Variants in FARS2 observed in about 807,000 individuals in gnomAD.
FARS2 encodes the protein phenylalanyl-tRNA synthetase 2, mitochondrial, also known as phenylalanine--tRNA ligase, mitochondrial.
A neutral mutation model predicts 46.4 loss-of-function variants in FARS2; 40 were observed. The ratio of observed to expected loss-of-function variants is 0.86; its 90% CI spans 0.67 to 1.12. FARS2 has a LOEUF of 1.12. Ranked by LOEUF, FARS2 falls within the 50% of genes most tolerant of loss-of-function variation. The probability of loss-of-function intolerance (pLI) is 0.00; values close to 1 mark genes in which losing one functional copy is unlikely to be tolerated. For synonymous variants in FARS2, 234 were observed against 214.9 expected (o/e 1.09, Z -0.78); for missense variants, 513 against 567.9 (o/e 0.90, Z 0.98).
intron 1 of FARS2, among the ~76,000 whole-genome samples, chr6:5,346,309 C>T (rs1757227134): frequency 6.6e-6 from 1 of 152,162 alleles, no homozygotes; most frequent in Admixed American, 6.5e-5. Context: ...TAAAATTCAT[C>T]ATCACCTCCA....
chr6:5,403,232 C>T (rs915926482), intron 2 of FARS2, among the ~76,000 whole-genome samples: 1 of 152,182 alleles, frequency 6.6e-6, no homozygotes, highest in Non-Finnish European at 1.5e-5. Flanking sequence ...CTGGGATTGC[C>T]TTAGATCATC....
intron 6 of FARS2, among the ~76,000 whole-genome samples, chr6:5,730,988 G>A (rs1405086849): frequency 1.3e-5 from 2 of 152,124 alleles, no homozygotes; most frequent in East Asian, 3.9e-4. Flanking sequence ...CACACTGCTG[G>A]CTCTGAAAGC....
chr6:5,307,275 T>C (rs6926122), intron 1 of FARS2, among the ~76,000 whole-genome samples: 40,379 of 152,148 alleles, frequency 0.27, 8,465 homozygotes, highest in African/African-American at 0.59. Context: ...TTATGACTGA[T>C]GAGTTGGCTG....
intron 4 of FARS2, among the ~76,000 whole-genome samples, chr6:5,508,541 T>TG (rs1768238523): frequency 1.0e-5 from 1 of 98,650 alleles, no homozygotes; most frequent in Non-Finnish European, 2.1e-5. Context: ...TGCTGGCAGG[T>TG]GGGGCGGGGG....
chr6:5,332,133 G>A (rs1210036341), intron 1 of FARS2, among the ~76,000 whole-genome samples: 1 of 152,174 alleles, frequency 6.6e-6, no homozygotes, highest in African/African-American at 2.4e-5. Flanking sequence ...GGAAGTACCA[G>A]CGCTGAGATT....
Position 5,744,026 on chromosome 6 carries a change from T to C in FARS2, c.1218-27265T>C, listed in dbSNP as rs1180627708. On this transcript the variant is annotated intron_variant, in intron 6 of 6. Coordinates refer to ENST00000274680, the MANE Select transcript of FARS2 (RefSeq NM_006567.5). ...AGCTTTCTCACCAGGTCTAAGCCAG[T>C]CAGTGCACACTACTTCCTGTGAGAC... Among the ~76,000 whole-genome samples, 4 of 152,284 alleles carry C rather than the reference T, an allele frequency of 2.6e-5. No homozygotes were observed. The East Asian group carries it at 7.7e-4, about 29-fold the overall frequency.
At chr6:5,756,987 G>T (rs144640762) in intron 6 of FARS2, among the ~76,000 whole-genome samples, 90 of 152,244 alleles carry the variant, frequency 5.9e-4, no homozygotes, top group African/African-American at 2.1e-3. Flanking sequence ...CTTCTTCAAG[G>T]CATGACAGTG....
At chr6:5,618,544 A>G (rs990562656) in intron 6 of FARS2, among the ~76,000 whole-genome samples, 3 of 152,232 alleles carry the variant, frequency 2.0e-5, no homozygotes, top group Non-Finnish European at 4.4e-5. Flanking sequence ...ACAGATCCCA[A>G]GATGTTTCAG....
intron 5 of FARS2, among the ~76,000 whole-genome samples, chr6:5,585,878 A>G (rs1052403956): frequency 6.6e-6 from 1 of 152,178 alleles, no homozygotes; most frequent in Non-Finnish European, 1.5e-5. Context: ...CATGGGGTAC[A>G]GATCTCTCTT....
intron 5 of FARS2, among the ~76,000 whole-genome samples, chr6:5,570,294 T>A (rs1376294328): frequency 6.6e-6 from 1 of 152,218 alleles, no homozygotes; most frequent in Non-Finnish European, 1.5e-5. Flanking sequence ...TGTGAGGAAA[T>A]GAGAAGAGAC....
At chr6:5,700,344 G>A (rs1157257008) in intron 6 of FARS2, among the ~76,000 whole-genome samples, 1 of 151,844 alleles carries the variant, frequency 6.6e-6, no homozygotes, top group East Asian at 1.9e-4. Flanking sequence ...GTTTCATTGA[G>A]TTAACTTTGG....
chr6:5,711,285 G>GGGAT (rs745852813), intron 6 of FARS2, among the ~76,000 whole-genome samples: 3,974 of 133,172 alleles, frequency 0.03, 180 homozygotes, highest in African/African-American at 0.1. Flanking sequence ...AAATGAATGC[G>GGGAT]GGATGGATGA....
At chr6:5,275,809 T>A (rs1323724218) in intron 1 of FARS2, among the ~76,000 whole-genome samples, 1 of 152,216 alleles carries the variant, frequency 6.6e-6, no homozygotes, top group African/African-American at 2.4e-5. Flanking sequence ...TAGCATAGTA[T>A]CTGAGTAAAC....
rs558918108 is a variant in FARS2 at position 5,753,600 on chromosome 6, T to C, written c.1218-17691T>C. 2.2e-4 allele frequency among the ~76,000 whole-genome samples: 34 copies of C among 152,336 alleles called. 1 individual carries two copies. In the South Asian group the frequency reaches 7.1e-3, roughly 32 times the overall value. On this transcript the variant is annotated intron_variant, in intron 6 of 6. Coordinates refer to ENST00000274680, the MANE Select transcript of FARS2 (RefSeq NM_006567.5). ...CTATCACCTCCCCATGTAACATGCA[T>C]AGACATTTCATGCCTTTGTCCTATC...
chr6:5,734,676 G>T (rs188672484), intron 6 of FARS2, among the ~76,000 whole-genome samples: 1 of 152,230 alleles, frequency 6.6e-6, no homozygotes, highest in East Asian at 1.9e-4. Context: ...ATAACCCTTT[G>T]ATATAGGCAT....
chr6:5,705,164 T>C lies in FARS2; in HGVS notation c.1218-66127T>C, dbSNP rs535449851. Among the ~76,000 whole-genome samples, 5 of 152,296 alleles carry C rather than the reference T, an allele frequency of 3.3e-5. No individual in the cohort carries two copies. In the East Asian group the frequency reaches 9.6e-4, roughly 29 times the overall value. ...AAATTGTGGCAGTACCATGAATAGT[T>C]GTAAAAGTTGGTCCAAGTTACAATC... is the stretch of plus-strand genomic sequence containing the variant. On this transcript the variant is annotated intron_variant, in intron 6 of 6. Transcript: ENST00000274680.
rs1350587778 is a variant in FARS2 at position 5,432,471 on chromosome 6, T to TA, written c.904+1299_904+1300insA. Among the ~76,000 whole-genome samples the TA allele has an allele frequency of 4.7e-5, 6 of 128,978 alleles. No individual in the cohort carries two copies. The South Asian group carries it at 6.6e-4, about 14-fold the overall frequency. 84.6% of individuals were successfully genotyped at this position (128,978 alleles called of 152,430 possible). ...AAATATATATTATATATTATATATA[T>TA]TTTTTATATATAATATATATTATAT... is the stretch of plus-strand genomic sequence containing the variant. On this transcript the variant is annotated intron_variant, in intron 4 of 6. Coordinates refer to ENST00000274680, the MANE Select transcript of FARS2 (RefSeq NM_006567.5).
intron 1 of FARS2, among the ~76,000 whole-genome samples, chr6:5,330,029 T>TGTCTCATGGGTCACCAAGAGTG (rs1770686008): frequency 6.6e-6 from 1 of 152,230 alleles, no homozygotes; most frequent in Admixed American, 6.5e-5. Context: ...ATCCTGAAGC[T>TGTCTCATGGGTCACCAAGAGTG]GTCTCATGGG....
chr6:5,669,227 T>C (rs1778319147), intron 6 of FARS2, among the ~76,000 whole-genome samples: 1 of 152,160 alleles, frequency 6.6e-6, no homozygotes, highest in African/African-American at 2.4e-5. Context: ...TATCCTGGCC[T>C]CCTATGCCAT....
Sources: allele counts gnomAD v4.1 joint callset (sites outside exome capture counted in the v4.1 genomes callset), GRCh38; gene constraint gnomAD v4.1.1; transcripts MANE v1.5; gene names NCBI Gene and HGNC (gene_info 2026-07-23, HGNC 2026-07-21).